UNC5C: variants seen among roughly 807,000 people sequenced by gnomAD.
UNC5C encodes the protein unc-5 netrin receptor C.
A neutral mutation model predicts 99.8 loss-of-function variants in UNC5C; 47 were observed. That is an observed-to-expected ratio of 0.47 (90% CI 0.37 to 0.60). UNC5C has a LOEUF of 0.60. Among genes scored for constraint, UNC5C ranks in the 20% least tolerant of loss-of-function variants. UNC5C has a pLI of 0.00. For synonymous variants in UNC5C, 487 were observed against 452.2 expected, an observed-to-expected ratio of 1.08 and a Z score of -0.98; for missense variants, 1,062 against 1,165.9, an observed-to-expected ratio of 0.91 and a Z score of 1.30.
At chr4:95,294,902 C>T (rs896707589) in intron 3 of UNC5C, among the ~76,000 whole-genome samples, 1 of 152,082 alleles carries the variant, frequency 6.6e-6, no homozygotes, top group Non-Finnish European at 1.5e-5. Context: ...CTTTTTCATG[C>T]TATGGTTGAT....
rs377760923 is a variant in UNC5C, at chr4:95,346,432, C to G, written c.125-10801G>C. Reference sequence around the variant, plus strand: ...GGGAATACTTCAAAACTCATTCTATCAGGTGAGTATTACCCTTATACCCAA... The same window carrying G: ...GGGAATACTTCAAAACTCATTCTATGAGGTGAGTATTACCCTTATACCCAA... On this transcript the variant is annotated intron_variant, in intron 1 of 15. Coordinates refer to ENST00000453304, the MANE Select transcript of UNC5C (RefSeq NM_003728.4). Among the ~76,000 whole-genome samples the G allele has an allele frequency of 1.6e-4, 24 of 152,036 alleles. No individual in the cohort carries two copies. The South Asian group carries it at 4.4e-3, about 28-fold the overall frequency.
chr4:95,513,548 C>A (rs1390197461), intron 1 of UNC5C, among the ~76,000 whole-genome samples: 1 of 152,050 alleles, frequency 6.6e-6, no homozygotes, highest in South Asian at 2.1e-4. Context: ...TTAATTTCCT[C>A]ACAAAATTCA....
chr4:95,461,304 G>GCTGATTAACAGAATT (rs1553975792), intron 1 of UNC5C, among the ~76,000 whole-genome samples: 2 of 98,022 alleles, frequency 2.0e-5, no homozygotes, highest in Admixed American at 9.1e-5. Context: ...TTTCCAACAT[G>GCTGATTAACAGAATT]AAGCACAAGG....
chr4:95,419,769 T>A (rs555151486), intron 1 of UNC5C, among the ~76,000 whole-genome samples: 1 of 152,174 alleles, frequency 6.6e-6, no homozygotes, highest in East Asian at 1.9e-4. Flanking sequence ...GCTTTTCTGG[T>A]CCATGTTGAA....
chr4:95,520,003 G>A (rs1328483598), intron 1 of UNC5C, among the ~76,000 whole-genome samples: 1 of 152,214 alleles, frequency 6.6e-6, no homozygotes, highest in Non-Finnish European at 1.5e-5. Flanking sequence ...AGCAAAGCAA[G>A]ATGGATTCTT....
intron 14 of UNC5C, among the ~76,000 whole-genome samples, chr4:95,177,881 T>TTA (rs1384907793): frequency 3.3e-5 from 5 of 151,752 alleles, no homozygotes; most frequent in African/African-American, 1.2e-4. Context: ...TGCCTTTTTT[T>TTA]TTTTTAAGAG....
At chr4:95,298,470 C>T (rs1280071448) in intron 3 of UNC5C, among the ~76,000 whole-genome samples, 1 of 152,176 alleles carries the variant, frequency 6.6e-6, no homozygotes, top group African/African-American at 2.4e-5. Flanking sequence ...ACTCTGGCCT[C>T]ACTGCTGTCT....
chr4:95,476,690 C>A (rs1417022176), intron 1 of UNC5C, among the ~76,000 whole-genome samples: 1 of 152,024 alleles, frequency 6.6e-6, no homozygotes, highest in African/African-American at 2.4e-5. Context: ...GCAACTACTT[C>A]AAATAATAAA....
At chr4:95,472,975 C>T (rs937770817) in intron 1 of UNC5C, among the ~76,000 whole-genome samples, 2 of 151,874 alleles carry the variant, frequency 1.3e-5, no homozygotes, top group Non-Finnish European at 2.9e-5. Flanking sequence ...TATCATATCC[C>T]TTATGCTCCA....
chr4:95,428,500 A>G (rs1299658214), intron 1 of UNC5C, among the ~76,000 whole-genome samples: 1 of 152,166 alleles, frequency 6.6e-6, no homozygotes, highest in African/African-American at 2.4e-5. Flanking sequence ...AAGGGGCTCA[A>G]TGAATGCCTT....
chr4:95,385,225 C>T (rs988451550), intron 1 of UNC5C, among the ~76,000 whole-genome samples: 3 of 152,132 alleles, frequency 2.0e-5, no homozygotes, highest in Non-Finnish European at 4.4e-5. Flanking sequence ...GTTCTAAGAA[C>T]ATAACTGTGC....
intron 3 of UNC5C, among the ~76,000 whole-genome samples, chr4:95,287,371 A>G (rs1741274645): frequency 1.3e-5 from 2 of 152,202 alleles, no homozygotes; most frequent in Non-Finnish European, 2.9e-5. Flanking sequence ...CTTTGCAGTC[A>G]TTTCTGTAAT....
chr4:95,167,952 T>C lies in UNC5C; in HGVS notation c.*1282A>G, dbSNP rs1159086704. On this transcript the variant is annotated 3_prime_UTR_variant, in exon 16 of 16. Coordinates refer to ENST00000453304, the MANE Select transcript of UNC5C (RefSeq NM_003728.4). ...CCCTTTCACTTTCTAGTGAGGACAC[T>C]GAGGTCGTGTGGTTAAATGACTTTC... 6.6e-6 allele frequency: 1 copy of C among 152,176 alleles called. No homozygotes were observed. Among genetic ancestry groups the C allele is most frequent in the Non-Finnish European group, 1.5e-5 (1 of 68,024 alleles). The allele number at this position is 152,176 out of a possible 1,614,324, so 9.4% of individuals were successfully genotyped here. A position where few individuals can be genotyped will look rare whatever the true frequency, so the allele number is the denominator to read the frequency against.
intron 1 of UNC5C, among the ~76,000 whole-genome samples, chr4:95,461,510 C>T (rs1305983174): frequency 6.6e-6 from 1 of 151,706 alleles, no homozygotes; most frequent in Non-Finnish European, 1.5e-5. Context: ...AGTATTTACA[C>T]TAATCTAAAT....
In UNC5C at chr4:95,363,564, G is replaced by A. The variant is rs781281053; in HGVS notation, c.125-27933C>T. 1.3e-5 allele frequency among the ~76,000 whole-genome samples: 2 copies of A among 151,516 alleles called. 1 individual carries two copies. The highest frequency in any genetic ancestry group is 6.3e-3 in the Middle Eastern group (2 of 316). On this transcript the variant is annotated intron_variant, in intron 1 of 15. Transcript: ENST00000453304. ...CTGTGTGTTTTGATAGTGATTAATT[G>A]CACTCTATAAAAGAGGCTTTGCTTG...
At chr4:95,248,177 T>G (rs1387227270) in intron 5 of UNC5C, 2 of 232,992 alleles carry the variant, frequency 8.6e-6, no homozygotes, top group Non-Finnish European at 1.7e-5. Context: ...AATGGTACTG[T>G]GGGGTAGGCA....
At position 95,170,338 on chromosome 4, in the gene UNC5C, G is replaced by T; in HGVS notation, c.2452-6C>A. The T allele has an allele frequency of 6.2e-7, 1 of 1,613,474 alleles. No individual in the cohort carries two copies. The highest frequency in any genetic ancestry group is 1.3e-5 in the African/African-American group (1 of 75,064). On this transcript the variant is annotated splice_region_variant and splice_polypyrimidine_tract_variant and intron_variant, in intron 14 of 15. Coordinates refer to ENST00000453304, the MANE Select transcript of UNC5C (RefSeq NM_003728.4). ...AAATCGATGCCAGTAGGTTCCTGTAGTTCAGGGACAGGAACAACACAGCAT... is the reference window on the plus strand; with the variant it reads ...AAATCGATGCCAGTAGGTTCCTGTATTTCAGGGACAGGAACAACACAGCAT...
chr4:95,179,244 A>T (rs558459159), intron 14 of UNC5C, among the ~76,000 whole-genome samples: 40 of 152,162 alleles, frequency 2.6e-4, no homozygotes, highest in Admixed American at 9.8e-4. Context: ...GATTTTCCCA[A>T]TGGTCATTTT....
At chr4:95,427,021 T>G (rs1746505940) in intron 1 of UNC5C, among the ~76,000 whole-genome samples, 1 of 152,216 alleles carries the variant, frequency 6.6e-6, no homozygotes, top group African/African-American at 2.4e-5. Flanking sequence ...GAAGATGCCA[T>G]GTAGGACTTT....
Sources: gnomAD v4.1 joint callset for allele counts (sites outside exome capture counted in the v4.1 genomes callset) on GRCh38, gnomAD v4.1.1 for gene constraint, MANE v1.5 for transcripts, NCBI Gene and HGNC (gene_info 2026-07-23, HGNC 2026-07-21) for gene names.